The following XRN1 variants were observed in gnomAD, a reference collection of about 807,000 sequenced individuals.
The protein encoded by XRN1 is 5'-3' exoribonuclease 1.
XRN1 carries 67 observed loss-of-function variants against 222.3 expected under a neutral mutation model. That is an observed-to-expected ratio of 0.30 (90% CI 0.25 to 0.37). The LOEUF (loss-of-function observed/expected upper bound fraction) is 0.37, where lower values mean the gene tolerates loss of function less well. Ranked by LOEUF, XRN1 falls within the 10% of genes least tolerant of loss-of-function variation. The pLI is 1.00. For synonymous variants in XRN1, 643 were observed against 652.4 expected (o/e 0.99, Z 0.22); for missense variants, 1,707 against 2,000.2 (o/e 0.85, Z 2.80).
Position 142,423,011 on chromosome 3 carries a change from A to C in XRN1, c.711-89T>G, listed in dbSNP as rs1031493326. ...TAACAAAGCTTAAATCAAAAGTATC[A>C]TCAGAAGATAGTAAGGTCTTGTAAT... On this transcript the variant is annotated intron_variant, in intron 6 of 40. Transcript: ENST00000392981. The C allele has an allele frequency of 7.7e-6, 8 of 1,037,348 alleles. No individual in the cohort carries two copies. The African/African-American group carries it at 1.1e-4, about 15-fold the overall frequency. 64.3% of individuals were successfully genotyped at this position (1,037,348 alleles called of 1,614,324 possible).
At chr3:142,332,285 G>A (rs2065721193) in intron 36 of XRN1, 90 bp downstream of exon 36, 1 of 1,045,130 alleles carries the variant, frequency 9.6e-7, no homozygotes, top group Admixed American at 2.7e-5. Flanking sequence ...AATAAAAGCA[G>A]TTTTATCTTT....
intron 15 of XRN1, among the ~76,000 whole-genome samples, chr3:142,412,252 G>C (rs2068614613): frequency 6.6e-6 from 1 of 152,074 alleles, no homozygotes. Context: ...AACATATTTA[G>C]GATTTTTATG....
At position 142,432,022 on chromosome 3, in the gene XRN1, A is replaced by AAT. The variant is rs1380920740; in HGVS notation, c.308+637_308+638dup. Among the ~76,000 whole-genome samples the AAT allele has an allele frequency of 1.2e-3, 93 of 79,348 alleles. 3 individuals are homozygous for AAT. The highest frequency in any genetic ancestry group is 4.8e-3 in the African/African-American group (84 of 17,372). 52.1% of individuals were successfully genotyped at this position (79,348 alleles called of 152,430 possible). ...TATATATATAAATATATATTTTTTTAATATATATAATCTTTTTGAGACGGA... is the reference window on the plus strand; with the variant it reads ...TATATATATAAATATATATTTTTTTAATATATATATAATCTTTTTGAGACGGA... On this transcript the variant is annotated intron_variant, in intron 2 of 40. Coordinates refer to ENST00000392981, the MANE Select transcript of XRN1 (RefSeq NM_001282857.2).
chr3:142,312,682 G>A lies in XRN1; in HGVS notation c.4698C>T (p.Pro1566=). The change falls in exon 40 of 41, where the codon CCC becomes CCT. Residue 1566 remains proline (P), a synonymous_variant. Coordinates refer to ENST00000392981, the MANE Select transcript of XRN1 (RefSeq NM_001282857.2). The part of the protein sequence containing the change: ...WGPSVPVPGK[P]FHHTLYSGTM... Reference sequence around the variant, plus strand: ...TCCCAGAATATAAAGTATGATGGAAGGGCTTCCCAGGAACTGGCACCGATG... The same window carrying A: ...TCCCAGAATATAAAGTATGATGGAAAGGCTTCCCAGGAACTGGCACCGATG... 6.2e-7 allele frequency: 1 copy of A among 1,613,872 alleles called. No individual in the cohort carries two copies.
At chr3:142,361,794 T>TA (rs920497037) in intron 29 of XRN1, among the ~76,000 whole-genome samples, 2 of 152,128 alleles carry the variant, frequency 1.3e-5, no homozygotes, top group Non-Finnish European at 2.9e-5. Context: ...GGTTAAGTTG[T>TA]AAAAAAACTT....
Position 142,397,312 on chromosome 3 carries a change from C to T in XRN1, c.2339+17G>A, listed in dbSNP as rs141407419. On this transcript the variant is annotated intron_variant, in intron 20 of 40. Transcript: ENST00000392981. ...GATTTTAGTTCCATGATATTAAATACTTTTAACGATACTCACTGTTCTGAA... is the reference window on the plus strand; with the variant it reads ...GATTTTAGTTCCATGATATTAAATATTTTTAACGATACTCACTGTTCTGAA... The T allele has an allele frequency of 3.3e-4, 522 of 1,560,032 alleles. 4 individuals are homozygous for T. In the African/African-American group the frequency reaches 6.6e-3, roughly 20 times the overall value.
In XRN1 at chr3:142,414,094, A is replaced by G. The variant is rs536727402; in HGVS notation, c.1593+41T>C. ...CTAGGTTTGGAGGAAGAGCTTCTAA[A>G]TATCAAAAAGGACATAAAAACATTC... On this transcript the variant is annotated intron_variant, in intron 14 of 40. Transcript: ENST00000392981. 2.1e-5 allele frequency: 31 copies of G among 1,495,662 alleles called. No individual in the cohort carries two copies. The African/African-American group carries it at 4.2e-4, about 20-fold the overall frequency. The allele number at this position is 1,495,662 out of a possible 1,614,324, so 92.6% of individuals were successfully genotyped here. A position where few individuals can be genotyped will look rare whatever the true frequency, so the allele number is the denominator to read the frequency against.
intron 23 of XRN1, 91 bp downstream of exon 23, chr3:142,379,991 C>A: frequency 1.1e-6 from 1 of 914,836 alleles, no homozygotes; most frequent in South Asian, 2.0e-5. Context: ...AATAAAATAT[C>A]TGAAATAAAT....
rs2068695462 is a variant in XRN1 at position 142,414,144 on chromosome 3, T to C, written c.1584A>G (p.Ala528=). 4.3e-6 allele frequency: 7 copies of C among 1,612,478 alleles called. No homozygotes were observed. The highest frequency in any genetic ancestry group is 1.1e-5 in the South Asian group (1 of 90,798). ...LPAASKNLLP[A]CYQHLMTNED... Reference sequence around the variant, plus strand: ...CAATTCTAAGACCCACCTGGTAGCATGCAGGAAGTAAATTTTTGCTGGCTG... The same window carrying C: ...CAATTCTAAGACCCACCTGGTAGCACGCAGGAAGTAAATTTTTGCTGGCTG... The change falls in exon 14 of 41, where the codon GCA becomes GCG. Residue 528 remains alanine, a synonymous_variant. Transcript: ENST00000392981.
chr3:142,375,656 T>C (rs1056359136), intron 25 of XRN1, 142 bp downstream of exon 25: 1 of 759,260 alleles, frequency 1.3e-6, no homozygotes, highest in Non-Finnish European at 1.9e-6. Flanking sequence ...TATTCCATGA[T>C]GCAAAATTAA....
intron 1 of XRN1, among the ~76,000 whole-genome samples, chr3:142,444,556 C>T (rs1004919401): frequency 2.0e-5 from 3 of 152,166 alleles, no homozygotes; most frequent in Non-Finnish European, 2.9e-5. Context: ...TTGCAGTGAG[C>T]CGAGATTGCG....
Position 142,435,409 on chromosome 3 carries a change from A to G in XRN1, c.76-2516T>C, listed in dbSNP as rs548930396. 2 of 151,486 alleles carry G rather than the reference A, an allele frequency of 1.3e-5. 1 individual carries two copies. Among genetic ancestry groups the G allele is most frequent in the Middle Eastern group, 6.9e-3 (2 of 290 alleles). The allele number at this position is 151,486 out of a possible 1,614,324, so 9.4% of individuals were successfully genotyped here. ...CAAGACTCTGTATCAAAAAAAAAAA[A>G]AAGAAGTCAACATCTCTAACACATA... On this transcript the variant is annotated intron_variant, in intron 1 of 40. Coordinates refer to ENST00000392981, the MANE Select transcript of XRN1 (RefSeq NM_001282857.2).
Position 142,370,637 on chromosome 3 carries a change from A to G in XRN1, c.3069-17T>C, listed in dbSNP as rs772805429. ...TTTTCAGCACTAAAGCAAAAACAAT[A>G]ATTTTTAAAATTTGATTAAAACTTT... is the stretch of plus-strand genomic sequence containing the variant. On this transcript the variant is annotated splice_polypyrimidine_tract_variant and intron_variant, in intron 26 of 40. Coordinates refer to ENST00000392981, the MANE Select transcript of XRN1 (RefSeq NM_001282857.2). 1.3e-6 allele frequency: 2 copies of G among 1,550,598 alleles called. No homozygotes were observed. Among genetic ancestry groups the G allele is most frequent in the Non-Finnish European group, 1.7e-6 (2 of 1,156,030 alleles).
At chr3:142,418,443 C>A in intron 12 of XRN1, 61 bp downstream of exon 12, 1 of 1,344,990 alleles carries the variant, frequency 7.4e-7, no homozygotes, top group Non-Finnish European at 1.0e-6. Flanking sequence ...ATCATATTTT[C>A]TGAATAACTG....
At chr3:142,419,489 C>T (rs906303501) in intron 10 of XRN1, among the ~76,000 whole-genome samples, 2 of 152,034 alleles carry the variant, frequency 1.3e-5, no homozygotes, top group African/African-American at 4.8e-5. Context: ...CTAAATAGAA[C>T]CAGTACAGCA....
At position 142,414,290 on chromosome 3, in the gene XRN1, A is replaced by G; in HGVS notation, c.1438T>C (p.Tyr480His). ...YYHGVQSWSWYYPYHYAPFLS... is the reference protein window; with the variant it reads ...YYHGVQSWSWHYPYHYAPFLS... ...AAAGGTGCATAATGATAAGGATAAT[A>G]CCTATAAAACAAAACTGAGTTTTAA... The change falls in exon 14 of 41, where the codon TAT becomes CAT. Residue 480 changes from tyrosine (Y) to histidine (H), a missense_variant and splice_region_variant. By Grantham distance (83) the Tyr-to-His change is moderately conservative. Coordinates refer to ENST00000392981, the MANE Select transcript of XRN1 (RefSeq NM_001282857.2). 1 of 1,566,352 alleles carries G rather than the reference A, an allele frequency of 6.4e-7. No homozygotes were observed. The highest frequency in any genetic ancestry group is 8.6e-7 in the Non-Finnish European group (1 of 1,156,498).
chr3:142,373,897 A>G (rs970674146), intron 25 of XRN1, among the ~76,000 whole-genome samples: 3 of 152,064 alleles, frequency 2.0e-5, no homozygotes, highest in African/African-American at 7.2e-5. Context: ...TAGGAGAATC[A>G]CTTGAACTGG....
rs542295406 is a variant in XRN1 at position 142,306,620 on chromosome 3, C to T, written c.*4891G>A. On this transcript the variant is annotated 3_prime_UTR_variant, in exon 41 of 41. Transcript: ENST00000392981. Reference sequence around the variant, plus strand: ...AGAACAAACAGCTTATAAAATCATTCTCAAGTCTTTAATTAAAATCCATAG... The same window carrying T: ...AGAACAAACAGCTTATAAAATCATTTTCAAGTCTTTAATTAAAATCCATAG... 6.6e-6 allele frequency: 1 copy of T among 152,268 alleles called. No homozygotes were observed. Among genetic ancestry groups the T allele is most frequent in the Non-Finnish European group, 1.5e-5 (1 of 68,028 alleles). The allele number at this position is 152,268 out of a possible 1,614,324, so 9.4% of individuals were successfully genotyped here.
chr3:142,388,958 AGCACTTTGGC>A (rs2067611169), intron 20 of XRN1, among the ~76,000 whole-genome samples: 1 of 152,178 alleles, frequency 6.6e-6, no homozygotes. Context: ...CTATAATCTA[AGCACTTTGGC>A]ACGTTGGGAG....
Sources: gnomAD v4.1 joint callset for allele counts (sites outside exome capture counted in the v4.1 genomes callset) on GRCh38, gnomAD v4.1.1 for gene constraint, MANE v1.5 for transcripts, NCBI Gene and HGNC (gene_info 2026-07-23, HGNC 2026-07-21) for gene names.